Variants in NDUFAF6 observed in about 807,000 individuals in gnomAD.
NDUFAF6 encodes NADH dehydrogenase (ubiquinone) complex I, assembly factor 6.
In NDUFAF6, 45 loss-of-function variants were observed where a neutral mutation model predicts 40.8. The ratio of observed to expected loss-of-function variants is 1.10; its 90% CI spans 0.87 to 1.42. The LOEUF (loss-of-function observed/expected upper bound fraction) is 1.42, where lower values mean the gene tolerates loss of function less well. NDUFAF6 is among the 40% of genes most tolerant of loss of function. The probability of loss-of-function intolerance (pLI) is 0.00; values close to 1 mark genes in which losing one functional copy is unlikely to be tolerated. For synonymous variants in NDUFAF6, 185 were observed against 155.9 expected (o/e 1.19, Z -1.39); for missense variants, 435 against 418.5 (o/e 1.04, Z -0.34).
At chr8:95,016,097 C>A (rs1827433229) in intron 2 of NDUFAF6, among the ~76,000 whole-genome samples, 1 of 152,116 alleles carries the variant, frequency 6.6e-6, no homozygotes, top group Admixed American at 6.6e-5. Flanking sequence ...TTCATCATTA[C>A]CTGGTAGACT....
At chr8:95,043,776 A>G (rs1830411358) in intron 4 of NDUFAF6, among the ~76,000 whole-genome samples, 2 of 152,232 alleles carry the variant, frequency 1.3e-5, no homozygotes, top group South Asian at 4.1e-4. Flanking sequence ...CCTTTCGTAC[A>G]TTGCTGGTGG....
At chr8:95,008,932 C>T (rs531168185) in intron 2 of NDUFAF6, among the ~76,000 whole-genome samples, 18 of 152,194 alleles carry the variant, frequency 1.2e-4, no homozygotes, top group African/African-American at 4.1e-4. Context: ...CATGGTGGCT[C>T]ACGCCTATAA....
intron 2 of NDUFAF6, chr8:94,949,099 A>G (rs1452493451): frequency 1.8e-4 from 27 of 147,008 alleles, no homozygotes; most frequent in Admixed American, 1.8e-3. Context: ...TGCGGCCCCA[A>G]CCGGCAGCGA....
intron 2 of NDUFAF6, among the ~76,000 whole-genome samples, chr8:94,981,564 C>T (rs1169766640): frequency 1.3e-5 from 2 of 152,030 alleles, no homozygotes; most frequent in African/African-American, 4.8e-5. Context: ...CTTTTGAGCC[C>T]CAATTTGGCC....
intron 1 of NDUFAF6, among the ~76,000 whole-genome samples, chr8:94,905,431 G>C (rs997751063): frequency 2.3e-4 from 35 of 152,120 alleles, no homozygotes; most frequent in African/African-American, 7.7e-4. Flanking sequence ...TTCTCAGCTC[G>C]AGGGCTCCCT....
chr8:95,044,805 G>GT, intron 4 of NDUFAF6, among the ~76,000 whole-genome samples: 1 of 151,164 alleles, frequency 6.6e-6, no homozygotes, highest in Non-Finnish European at 1.5e-5. Context: ...GCTGGTGTTA[G>GT]TTTTTTCTGA....
intron 2 of NDUFAF6, among the ~76,000 whole-genome samples, chr8:94,998,313 C>T (rs1425791010): frequency 6.6e-6 from 1 of 152,066 alleles, no homozygotes; most frequent in Middle Eastern, 3.4e-3. Flanking sequence ...CTATCCTTGT[C>T]CCCAGATGAC....
At chr8:94,939,770 C>T (rs1215733159) in intron 1 of NDUFAF6, 12 of 1,526,584 alleles carry the variant, frequency 7.9e-6, no homozygotes, top group Non-Finnish European at 1.1e-5. Flanking sequence ...ATTAGTTTTG[C>T]ATCTTCTAAT....
intron 2 of NDUFAF6, among the ~76,000 whole-genome samples, chr8:94,984,493 C>T (rs1389945605): frequency 2.0e-5 from 3 of 152,136 alleles, no homozygotes; most frequent in African/African-American, 4.8e-5. Flanking sequence ...CTCCCCAATA[C>T]CCTATTATGT....
At chr8:95,065,637 C>G (rs1280590064) in intron 9 of NDUFAF6, among the ~76,000 whole-genome samples, 1 of 152,116 alleles carries the variant, frequency 6.6e-6, no homozygotes, top group African/African-American at 2.4e-5. Flanking sequence ...GTACTTAAGG[C>G]CTCCCAGCCT....
intron 9 of NDUFAF6, chr8:95,068,079 G>C (rs532496627): frequency 6.6e-6 from 1 of 151,816 alleles, no homozygotes; most frequent in Non-Finnish European, 1.5e-5. Context: ...AGAGAAACAG[G>C]CTTTTGTTGG....
At position 95,052,734 on chromosome 8, in the gene NDUFAF6, A is replaced by G. The variant is rs192772596; in HGVS notation, c.873+504A>G. ...GTAACCTGGAAAACTTTTTAAAAAT[A>G]TAGATTCCTGGAGTCTTCTTTTTTA... On this transcript the variant is annotated intron_variant, in intron 8 of 8. Coordinates refer to ENST00000396124, the MANE Select transcript of NDUFAF6 (RefSeq NM_152416.4). Among the ~76,000 whole-genome samples, 66 of 152,340 alleles carry G rather than the reference A, an allele frequency of 4.3e-4. 2 individuals carry two copies. Among genetic ancestry groups the G allele is most frequent in the African/African-American group, 1.5e-3 (64 of 41,572 alleles).
intron 2 of NDUFAF6, among the ~76,000 whole-genome samples, chr8:95,084,638 T>C (rs1808981691): frequency 6.6e-6 from 1 of 152,212 alleles, no homozygotes; most frequent in Non-Finnish European, 1.5e-5. Context: ...TTCCATGGCT[T>C]GGTGTGAATT....
At chr8:94,946,925 A>C (rs1461913431) in intron 2 of NDUFAF6, among the ~76,000 whole-genome samples, 1 of 152,100 alleles carries the variant, frequency 6.6e-6, no homozygotes, top group Non-Finnish European at 1.5e-5. Flanking sequence ...CAGTTGTGAG[A>C]CTGTCAACAA....
chr8:94,896,407 G>A (rs1030306685), intron 1 of NDUFAF6: 19 of 152,126 alleles, frequency 1.2e-4, no homozygotes, highest in Admixed American at 7.2e-4. Flanking sequence ...TTTAAACTTA[G>A]GGGTCCCTTC....
At chr8:95,036,435 A>G in intron 3 of NDUFAF6, 3 of 1,289,422 alleles carry the variant, frequency 2.3e-6, no homozygotes, top group Admixed American at 2.3e-5. Context: ...GAGCCCCAGT[A>G]AAGATGGAAA....
At chr8:94,898,375 C>T (rs1817792498) in intron 1 of NDUFAF6, among the ~76,000 whole-genome samples, 1 of 152,082 alleles carries the variant, frequency 6.6e-6, no homozygotes, top group African/African-American at 2.4e-5. Flanking sequence ...GTTTTGATGA[C>T]CTTAACAGTT....
At chr8:95,037,685 GCACGCTGGCCTTTA>G (rs1480121556) in intron 3 of NDUFAF6, among the ~76,000 whole-genome samples, 1 of 152,176 alleles carries the variant, frequency 6.6e-6, no homozygotes, top group Non-Finnish European at 1.5e-5. Flanking sequence ...ATTTTGATGA[GCACGCTGGCCTTTA>G]CATTTAGTAT....
At position 95,048,480 on chromosome 8, in the gene NDUFAF6, T is replaced by C. The variant is rs202047755; in HGVS notation, c.738T>C (p.Phe246=). The C allele has an allele frequency of 7.5e-4, 1,215 of 1,613,938 alleles. 17 individuals are homozygous for C. Among genetic ancestry groups the C allele is most frequent in the Non-Finnish European group, 2.0e-4 (240 of 1,179,938 alleles). Reference sequence around the variant, plus strand: ...AGCATGGTGTTTCACAAGAGGACTTTCTACGGAGGAACCAAGATAAAAATG... The same window carrying C: ...AGCATGGTGTTTCACAAGAGGACTTCCTACGGAGGAACCAAGATAAAAATG... ...CMLHGVSQED[F]LRRNQDKNVR... is the part of the protein sequence containing the mutation. The change falls in exon 7 of 9, where the codon TTT becomes TTC. Residue 246 remains phenylalanine (F), a synonymous_variant. Transcript: ENST00000396124.
Sources: gnomAD v4.1 joint callset for allele counts (sites outside exome capture counted in the v4.1 genomes callset) on GRCh38, gnomAD v4.1.1 for gene constraint, MANE v1.5 for transcripts, NCBI Gene and HGNC (gene_info 2026-07-23, HGNC 2026-07-21) for gene names.